CDH4: variants seen among roughly 807,000 people sequenced by gnomAD.
CDH4 encodes cadherin 4.
In CDH4, 33 loss-of-function variants were observed where a neutral mutation model predicts 86.0. The ratio of observed to expected loss-of-function variants is 0.38; its 90% CI spans 0.29 to 0.51. CDH4 has a LOEUF of 0.51. Ranked by LOEUF, CDH4 falls within the 20% of genes least tolerant of loss-of-function variation. The pLI is 0.86. For synonymous variants in CDH4, 555 were observed against 549.4 expected (o/e 1.01, Z -0.14); for missense variants, 1,114 against 1,307.4 (o/e 0.85, Z 2.28).
intron 2 of CDH4, among the ~76,000 whole-genome samples, chr20:61,293,902 C>CA (rs2084337213): frequency 6.6e-6 from 1 of 152,114 alleles, no homozygotes; most frequent in East Asian, 1.9e-4. Flanking sequence ...CCGGGTTTTG[C>CA]GGGTCCACTT....
chr20:61,711,930 T>G (rs2087897956), intron 2 of CDH4, among the ~76,000 whole-genome samples: 2 of 152,116 alleles, frequency 1.3e-5, no homozygotes, highest in African/African-American at 4.8e-5. Context: ...TGGGGTGTCA[T>G]CAGCATGACA....
In CDH4 at chr20:61,317,356, C is replaced by T. The variant is rs73319161; in HGVS notation, c.169+62419C>T. On this transcript the variant is annotated intron_variant, in intron 2 of 15. Coordinates refer to ENST00000614565, the MANE Select transcript of CDH4 (RefSeq NM_001794.5). Reference sequence around the variant, plus strand: ...CTCCCGAATAACCTGCTATTTCTAACATGGGATAAATTAAGGCGCCTTTGC... The same window carrying T: ...CTCCCGAATAACCTGCTATTTCTAATATGGGATAAATTAAGGCGCCTTTGC... 3.6e-3 allele frequency among the ~76,000 whole-genome samples: 543 copies of T among 152,318 alleles called. 7 individuals are homozygous for T. Among genetic ancestry groups the T allele is most frequent in the African/African-American group, 0.013 (524 of 41,570 alleles).
At chr20:61,704,042 C>T (rs906757704) in intron 2 of CDH4, among the ~76,000 whole-genome samples, 33 of 151,810 alleles carry the variant, frequency 2.2e-4, no homozygotes, top group Non-Finnish European at 1.8e-4. Context: ...AGCCAGGCCT[C>T]GAGCGCTCTT....
In CDH4 at chr20:61,937,403, G is replaced by A. The variant is rs1399031098; in HGVS notation, c.*460G>A. The A allele has an allele frequency of 6.5e-6, 1 of 153,956 alleles. No individual in the cohort carries two copies. The highest frequency in any genetic ancestry group is 1.4e-5 in the Non-Finnish European group (1 of 69,366). 9.5% of individuals were successfully genotyped at this position (153,956 alleles called of 1,614,324 possible). On this transcript the variant is annotated 3_prime_UTR_variant, in exon 16 of 16. Coordinates refer to ENST00000614565, the MANE Select transcript of CDH4 (RefSeq NM_001794.5). ...GCTCTGAAGGCATCATTCAGAAATGGGGGAGACTGTGTCTGTCTTTCTTAC... is the reference window on the plus strand; with the variant it reads ...GCTCTGAAGGCATCATTCAGAAATGAGGGAGACTGTGTCTGTCTTTCTTAC...
chr20:61,852,697 C>T, intron 5 of CDH4, 57 bp from the exon 6 acceptor site: 3 of 1,571,802 alleles, frequency 1.9e-6, no homozygotes, highest in Non-Finnish European at 2.6e-6. Flanking sequence ...CCAGGCCGCT[C>T]TCAGCTGAGT....
intron 2 of CDH4, among the ~76,000 whole-genome samples, chr20:61,407,801 G>A (rs1447365516): frequency 6.6e-6 from 1 of 152,152 alleles, no homozygotes; most frequent in East Asian, 1.9e-4. Flanking sequence ...TGTGCACAGT[G>A]ACATCAGTGA....
chr20:61,506,926 G>A (rs1007954513), intron 2 of CDH4, among the ~76,000 whole-genome samples: 2 of 152,178 alleles, frequency 1.3e-5, no homozygotes, highest in African/African-American at 4.8e-5. Context: ...AAACAGCAAG[G>A]TCCACCTATT....
intron 2 of CDH4, among the ~76,000 whole-genome samples, chr20:61,424,231 CAT>C (rs934027763): frequency 7.0e-6 from 1 of 142,366 alleles, no homozygotes; most frequent in Non-Finnish European, 1.6e-5. Flanking sequence ...TGTATATACA[CAT>C]ATCCACATGT....
chr20:61,503,719 T>G (rs2085720517), intron 2 of CDH4, among the ~76,000 whole-genome samples: 1 of 152,258 alleles, frequency 6.6e-6, no homozygotes, highest in African/African-American at 2.4e-5. Context: ...GGATAATTCT[T>G]ATTTATCATT....
At chr20:61,402,602 G>T (rs1347408573) in intron 2 of CDH4, among the ~76,000 whole-genome samples, 1 of 152,170 alleles carries the variant, frequency 6.6e-6, no homozygotes, top group Non-Finnish European at 1.5e-5. Flanking sequence ...TGTTGGCCAG[G>T]CCGGTCTCAA....
chr20:61,544,355 G>A lies in CDH4; in HGVS notation c.170-199208G>A, dbSNP rs191435858. Among the ~76,000 whole-genome samples, 20 of 152,036 alleles carry A rather than the reference G, an allele frequency of 1.3e-4. No individual in the cohort carries two copies. The East Asian group carries it at 3.7e-3, about 28-fold the overall frequency. On this transcript the variant is annotated intron_variant, in intron 2 of 15. Coordinates refer to ENST00000614565, the MANE Select transcript of CDH4 (RefSeq NM_001794.5). The surrounding 1 kb of genome is among the most constrained non-coding windows in gnomAD (Gnocchi z 6.5). Reference sequence around the variant, plus strand: ...AAGCATCCAGCTCCATGTATCACTCGTGTCCAGGCCGAGAAACCCGACGTA... The same window carrying A: ...AAGCATCCAGCTCCATGTATCACTCATGTCCAGGCCGAGAAACCCGACGTA...
chr20:61,320,556 C>T (rs1380311677), intron 2 of CDH4, among the ~76,000 whole-genome samples: 3 of 151,948 alleles, frequency 2.0e-5, no homozygotes, highest in Admixed American at 1.3e-4. Flanking sequence ...CCCCAGAGAG[C>T]ACTTGGCAAT....
chr20:61,784,829 A>G (rs1978786129), intron 4 of CDH4, among the ~76,000 whole-genome samples: 1 of 151,976 alleles, frequency 6.6e-6, no homozygotes. Flanking sequence ...TCAGACATTA[A>G]GCATGCAGTC....
intron 2 of CDH4, among the ~76,000 whole-genome samples, chr20:61,735,672 G>A (rs2088254342): frequency 6.6e-6 from 1 of 152,212 alleles, no homozygotes; most frequent in Non-Finnish European, 1.5e-5. Flanking sequence ...ATGGTGCCCA[G>A]GGTTGGGGCC....
At chr20:61,547,223 T>TC (rs1568887297) in intron 2 of CDH4, among the ~76,000 whole-genome samples, 7 of 89,188 alleles carry the variant, frequency 7.8e-5, no homozygotes, top group South Asian at 4.4e-4. Flanking sequence ...TTTTTTTTTT[T>TC]GCCCCCTGAG....
rs1468404855 is a variant in CDH4 at position 61,582,617 on chromosome 20, C to T, written c.170-160946C>T. ...CTGCACCTAGAGCTTCTTCCGTCCC[C>T]TGCAGGGCCTGGTGCGGTGGAGCCC... On this transcript the variant is annotated intron_variant, in intron 2 of 15. Coordinates refer to ENST00000614565, the MANE Select transcript of CDH4 (RefSeq NM_001794.5). This position sits in a 1 kb window ranked among gnomAD's most constrained non-coding sequence, Gnocchi z 4.2. Among the ~76,000 whole-genome samples, 2 of 152,198 alleles carry T rather than the reference C, an allele frequency of 1.3e-5. No homozygotes were observed. The highest frequency in any genetic ancestry group is 2.9e-5 in the Non-Finnish European group (2 of 68,038).
rs148236437 is a variant in CDH4, at chr20:61,732,058, T to A, written c.170-11505T>A. Among the ~76,000 whole-genome samples the A allele has an allele frequency of 2.6e-5, 4 of 152,222 alleles. No individual in the cohort carries two copies. The East Asian group carries it at 7.7e-4, about 29-fold the overall frequency. ...TCTCTCCCTCCTTCTCAGCCTCCTC[T>A]CCCCTCTGGGAGCTCCTGCTGCAGT... On this transcript the variant is annotated intron_variant, in intron 2 of 15. Coordinates refer to ENST00000614565, the MANE Select transcript of CDH4 (RefSeq NM_001794.5).
chr20:61,736,907 G>A (rs1468613049), intron 2 of CDH4, among the ~76,000 whole-genome samples: 2 of 152,180 alleles, frequency 1.3e-5, no homozygotes, highest in East Asian at 1.9e-4. Context: ...GACAGGCGGG[G>A]GCCAGCCGCA....
At chr20:61,534,661 C>CTTTTTTTTTTTT (rs2085981647) in intron 2 of CDH4, among the ~76,000 whole-genome samples, 1 of 89,304 alleles carries the variant, frequency 1.1e-5, no homozygotes, top group African/African-American at 7.6e-5. Context: ...TTCTTTCTTT[C>CTTTTTTTTTTTT]TTTCTTTTTT....
Sources: allele counts gnomAD v4.1 joint callset (sites outside exome capture counted in the v4.1 genomes callset), GRCh38; gene constraint gnomAD v4.1.1; non-coding constraint Gnocchi (gnomAD v3.1); transcripts MANE v1.5; gene names NCBI Gene and HGNC (gene_info 2026-07-23, HGNC 2026-07-21).